The following SOX5 variants were observed in gnomAD, a reference collection of about 807,000 sequenced individuals.
The protein encoded by SOX5 is SRY-box transcription factor 5, also known as transcription factor SOX-5.
A neutral mutation model predicts 92.0 loss-of-function variants in SOX5; 9 were observed. The ratio of observed to expected loss-of-function variants is 0.10; its 90% confidence interval spans 0.06 to 0.17. The LOEUF (loss-of-function observed/expected upper bound fraction) is 0.17, where lower values mean the gene tolerates loss of function less well. Among genes scored for constraint, SOX5 ranks in the 10% least tolerant of loss-of-function variants. The pLI is 1.00. For synonymous variants in SOX5, 344 were observed against 336.3 expected (o/e 1.02, Z -0.25); for missense variants, 642 against 944.5 (o/e 0.68, Z 4.20).
intron 1 of SOX5, among the ~76,000 whole-genome samples, chr12:24,481,396 C>T (rs1321683004): frequency 2.0e-5 from 3 of 151,990 alleles, no homozygotes; most frequent in Non-Finnish European, 4.4e-5. Flanking sequence ...TTTAATTGTA[C>T]ATTTAAAAAT....
chr12:24,368,294 A>G (rs1156810290), intron 2 of SOX5: 1 of 152,234 alleles, frequency 6.6e-6, no homozygotes, highest in Non-Finnish European at 1.5e-5. Flanking sequence ...TGTAGGAAGT[A>G]CAGACATGTC....
chr12:24,514,331 G>T (rs1049462024), intron 1 of SOX5, among the ~76,000 whole-genome samples: 2 of 152,078 alleles, frequency 1.3e-5, no homozygotes, highest in South Asian at 4.1e-4. Context: ...CTAAAGATTT[G>T]TATGCATGCT....
chr12:23,980,356 C>T (rs1178568744), intron 4 of SOX5, among the ~76,000 whole-genome samples: 2 of 151,850 alleles, frequency 1.3e-5, no homozygotes, highest in Admixed American at 6.6e-5. Flanking sequence ...GTATTCATTG[C>T]CATTGATGAA....
At chr12:24,420,059 G>A (rs1207538817) in intron 1 of SOX5, among the ~76,000 whole-genome samples, 1 of 152,238 alleles carries the variant, frequency 6.6e-6, no homozygotes, top group Non-Finnish European at 1.5e-5. Context: ...CATGCTTGAG[G>A]TGTGGTTCTC....
chr12:24,280,454 C>G (rs532736508), intron 2 of SOX5, among the ~76,000 whole-genome samples: 23 of 152,196 alleles, frequency 1.5e-4, no homozygotes, highest in Admixed American at 3.9e-4. Context: ...TTAAGTGGAT[C>G]AAATATTACA....
chr12:23,644,502 G>A (rs1277579717), intron 7 of SOX5, among the ~76,000 whole-genome samples: 1 of 152,218 alleles, frequency 6.6e-6, no homozygotes, highest in African/African-American at 2.4e-5. Context: ...TTATTTGTAT[G>A]TGTATTAGAG....
rs183292120 is a variant in SOX5, at chr12:24,452,019, A to G, written c.-250-83380T>C. On this transcript the variant is annotated intron_variant, in intron 1 of 4. Coordinates refer to the SOX5 transcript ENST00000446891. ...GCACACTGAATGTTTTGGGCAGAAT[A>G]TGGCCCAAACACATGTTCTGACTGG... 1.5e-3 allele frequency among the ~76,000 whole-genome samples: 236 copies of G among 152,312 alleles called. 1 individual carries two copies. Among genetic ancestry groups the G allele is most frequent in the African/African-American group, 5.1e-3 (211 of 41,586 alleles).
intron 4 of SOX5, among the ~76,000 whole-genome samples, chr12:24,158,239 G>T (rs1340834313): frequency 6.6e-6 from 1 of 151,972 alleles, no homozygotes; most frequent in Non-Finnish European, 1.5e-5. Context: ...TACCACAATA[G>T]CTAATGCAAT....
At position 24,119,127 on chromosome 12, in the gene SOX5, G is replaced by A. The variant is rs553916558; in HGVS notation, c.-2+94216C>T. Reference sequence around the variant, plus strand: ...AGTTGGTATTTTCTTATTAGCATCAGACACTAAACAAGCATTAGGTTGTCT... The same window carrying A: ...AGTTGGTATTTTCTTATTAGCATCAAACACTAAACAAGCATTAGGTTGTCT... On this transcript the variant is annotated intron_variant, in intron 4 of 4. Transcript: ENST00000446891. Among the ~76,000 whole-genome samples, 6 of 152,056 alleles carry A rather than the reference G, an allele frequency of 3.9e-5. No homozygotes were observed. The South Asian group carries it at 8.3e-4, about 21-fold the overall frequency.
intron 4 of SOX5, among the ~76,000 whole-genome samples, chr12:23,991,247 C>A (rs1054511716): frequency 6.6e-6 from 1 of 151,386 alleles, no homozygotes. Flanking sequence ...AACATAGCCC[C>A]AGCTACTCAG....
At chr12:24,285,689 A>G (rs533598886) in intron 2 of SOX5, among the ~76,000 whole-genome samples, 1 of 152,332 alleles carries the variant, frequency 6.6e-6, no homozygotes, top group East Asian at 1.9e-4. Context: ...CATGTTTAAC[A>G]TGTAGTCATT....
chr12:24,059,812 T>C (rs1939319168), intron 4 of SOX5, among the ~76,000 whole-genome samples: 1 of 152,182 alleles, frequency 6.6e-6, no homozygotes, highest in African/African-American at 2.4e-5. Flanking sequence ...ATTTACTGAA[T>C]ACATCGTTAA....
intron 3 of SOX5, among the ~76,000 whole-genome samples, chr12:23,780,547 G>A (rs910729980): frequency 9.2e-5 from 14 of 151,882 alleles, no homozygotes; most frequent in Non-Finnish European, 1.8e-4. Flanking sequence ...ACGTATCAGG[G>A]CTAAAATTAG....
intron 2 of SOX5, among the ~76,000 whole-genome samples, chr12:23,879,459 T>C (rs926499987): frequency 1.3e-5 from 2 of 152,170 alleles, no homozygotes; most frequent in African/African-American, 4.8e-5. Context: ...GTGTTTTTAA[T>C]TTTCTTTTCT....
intron 3 of SOX5, among the ~76,000 whole-genome samples, chr12:23,778,088 A>G (rs1567682443): frequency 6.6e-6 from 1 of 152,212 alleles, no homozygotes; most frequent in Non-Finnish European, 1.5e-5. Context: ...AGTCTTCATC[A>G]TGGAAACTTC....
intron 1 of SOX5, among the ~76,000 whole-genome samples, chr12:24,500,303 T>C (rs12816098): frequency 0.088 from 13,347 of 152,244 alleles, 689 homozygotes; most frequent in South Asian, 0.16. Flanking sequence ...TGTTTATTTC[T>C]CAATCAGGCA....
chr12:24,307,515 A>T (rs113839441), intron 2 of SOX5, among the ~76,000 whole-genome samples: 11 of 24,454 alleles, frequency 4.5e-4, no homozygotes, highest in African/African-American at 6.6e-4. Context: ...GGAAGGAAGG[A>T]AGGCCGGCCC....
chr12:23,897,794 G>C (rs903441473), intron 1 of SOX5, among the ~76,000 whole-genome samples: 1 of 152,164 alleles, frequency 6.6e-6, no homozygotes, highest in Non-Finnish European at 1.5e-5. Context: ...AATCTTAATA[G>C]TACAGGTGTT....
At chr12:23,948,695 G>A (rs1205513588) in intron 1 of SOX5, among the ~76,000 whole-genome samples, 1 of 151,546 alleles carries the variant, frequency 6.6e-6, no homozygotes, top group Non-Finnish European at 1.5e-5. Context: ...ATGAACTTAT[G>A]CTGGGATAAG....
Sources: gnomAD v4.1 joint callset for allele counts (sites outside exome capture counted in the v4.1 genomes callset) on GRCh38, gnomAD v4.1.1 for gene constraint, MANE v1.5 for transcripts, NCBI Gene and HGNC (gene_info 2026-07-23, HGNC 2026-07-21) for gene names.